Variants in BTC observed in about 807,000 individuals in gnomAD.
BTC encodes probetacellulin.
A neutral mutation model predicts 18.1 loss-of-function variants in BTC; 13 were observed. That is an observed-to-expected ratio of 0.72 (90% CI 0.47 to 1.14). The LOEUF (loss-of-function observed/expected upper bound fraction) is 1.14. Among genes scored for constraint, BTC ranks in the 50% most tolerant of loss-of-function variants. The pLI, the probability that BTC is intolerant of heterozygous loss-of-function variation, is 0.00. For missense variants in BTC, 247 were observed against 224.2 expected (o/e 1.10, Z -0.65); for synonymous variants, 83 against 79.4 (o/e 1.05, Z -0.24).
At chr4:74,785,254 G>A (rs992222096) in intron 1 of BTC, among the ~76,000 whole-genome samples, 3 of 152,120 alleles carry the variant, frequency 2.0e-5, no homozygotes, top group Non-Finnish European at 1.5e-5. Context: ...TTGTATTTCT[G>A]TGGGTCAGTG....
intron 3 of BTC, among the ~76,000 whole-genome samples, chr4:74,751,487 C>T (rs150341523): frequency 6.2e-4 from 95 of 152,268 alleles, no homozygotes; most frequent in Middle Eastern, 6.8e-3. Flanking sequence ...AAATGCCCTC[C>T]CTTTTTTCCA....
intron 4 of BTC, among the ~76,000 whole-genome samples, chr4:74,748,487 G>T (rs1279826191): frequency 6.6e-6 from 1 of 151,882 alleles, no homozygotes; most frequent in Non-Finnish European, 1.5e-5. Context: ...AGTGAGCCGA[G>T]ATTGCGCCAC....
chr4:74,769,260 G>A (rs1245327264), intron 2 of BTC, among the ~76,000 whole-genome samples: 1 of 152,036 alleles, frequency 6.6e-6, no homozygotes, highest in Non-Finnish European at 1.5e-5. Context: ...AATAACCCCT[G>A]TAGAAGACCA....
intron 3 of BTC, among the ~76,000 whole-genome samples, chr4:74,753,561 CTT>C (rs1553956423): frequency 1.3e-5 from 2 of 152,196 alleles, no homozygotes; most frequent in African/African-American, 4.8e-5. Flanking sequence ...TTGAAACACA[CTT>C]TGGTTTTTTA....
chr4:74,764,743 T>C (rs1166867484), intron 2 of BTC, among the ~76,000 whole-genome samples: 1 of 152,102 alleles, frequency 6.6e-6, no homozygotes, highest in Admixed American at 6.6e-5. Flanking sequence ...AACCAAATAG[T>C]GTATGTTCTC....
chr4:74,792,302 G>T (rs1206340416), intron 1 of BTC, among the ~76,000 whole-genome samples: 2 of 152,136 alleles, frequency 1.3e-5, no homozygotes, highest in African/African-American at 2.4e-5. Flanking sequence ...TTTGCTTTTT[G>T]ATTTTCATTT....
chr4:74,772,279 T>C (rs1458982500), intron 1 of BTC, among the ~76,000 whole-genome samples: 1 of 152,226 alleles, frequency 6.6e-6, no homozygotes, highest in Non-Finnish European at 1.5e-5. Context: ...TGTATTTCTC[T>C]TGTGAATTGC....
intron 2 of BTC, among the ~76,000 whole-genome samples, chr4:74,756,759 A>G (rs1553956745): frequency 1.3e-5 from 2 of 152,210 alleles, no homozygotes; most frequent in East Asian, 1.9e-4. Flanking sequence ...GAGGAGGAAA[A>G]TACTGAAAAC....
intron 1 of BTC, among the ~76,000 whole-genome samples, chr4:74,774,228 G>A: frequency 6.6e-6 from 1 of 152,158 alleles, no homozygotes. Context: ...CCAGTAATTA[G>A]CCCACATACA....
intron 1 of BTC, among the ~76,000 whole-genome samples, chr4:74,780,262 G>C (rs992808750): frequency 1.1e-4 from 17 of 152,294 alleles, no homozygotes; most frequent in African/African-American, 3.1e-4. Flanking sequence ...CATCCTGAAA[G>C]ACAGATTCCC....
In BTC at chr4:74,749,483, A is replaced by AAATAAATAAAT. The variant is rs1553955858; in HGVS notation, c.428+1089_428+1090insATTTATTTATT. On this transcript the variant is annotated intron_variant, in intron 4 of 5. Transcript: ENST00000395743. ...GGGCAACAGAGCAAGACTCTGTCTC[A>AAATAAATAAAT]AAATAAATAAATAAATAAATAAATA... Among the ~76,000 whole-genome samples, 1,393 of 143,734 alleles carry AAATAAATAAAT rather than the reference A, an allele frequency of 9.7e-3. 19 individuals carry two copies. The highest frequency in any genetic ancestry group is 0.016 in the South Asian group (71 of 4,456). The allele number at this position is 143,734 out of a possible 152,430, so 94.3% of individuals were successfully genotyped here.
intron 1 of BTC, among the ~76,000 whole-genome samples, chr4:74,790,401 G>A (rs1349783614): frequency 2.6e-5 from 4 of 152,170 alleles, no homozygotes; most frequent in African/African-American, 9.7e-5. Context: ...GGCCAAGGAG[G>A]TTTAAGAGAC....
At chr4:74,772,964 C>T (rs1428638483) in intron 1 of BTC, among the ~76,000 whole-genome samples, 3 of 152,190 alleles carry the variant, frequency 2.0e-5, no homozygotes, top group African/African-American at 4.8e-5. Flanking sequence ...GTTTCACATG[C>T]TGGTGTCAGT....
intron 2 of BTC, among the ~76,000 whole-genome samples, chr4:74,756,354 G>C (rs1251116748): frequency 6.6e-6 from 1 of 152,158 alleles, no homozygotes; most frequent in Non-Finnish European, 1.5e-5. Context: ...GTTTGGTTTT[G>C]GTTGTTTAAC....
intron 4 of BTC, 121 bp from the exon 5 acceptor site, chr4:74,748,270 C>T (rs561974623): frequency 2.6e-5 from 15 of 571,458 alleles, no homozygotes; most frequent in African/African-American, 2.2e-4. Flanking sequence ...GGTTCTAGGC[C>T]GGGCGCAGTG....
intron 2 of BTC, among the ~76,000 whole-genome samples, chr4:74,769,118 G>C (rs932087054): frequency 2.0e-5 from 3 of 152,126 alleles, no homozygotes; most frequent in Non-Finnish European, 4.4e-5. Context: ...AGGGTGCTAG[G>C]AAAGGAGCAG....
chr4:74,784,784 C>T (rs761955472), intron 1 of BTC, among the ~76,000 whole-genome samples: 5 of 152,126 alleles, frequency 3.3e-5, no homozygotes, highest in Non-Finnish European at 7.4e-5. Flanking sequence ...CCAACTTGGT[C>T]GTGGTGGATA....
At position 74,794,280 on chromosome 4, in the gene BTC, G is replaced by C; in HGVS notation, c.46C>G (p.Leu16Val). 1 of 1,549,904 alleles carries C rather than the reference G, an allele frequency of 6.5e-7. No homozygotes were observed. Among genetic ancestry groups the C allele is most frequent in the Non-Finnish European group, 8.7e-7 (1 of 1,146,706 alleles). The change falls in exon 1 of 6, where the codon CTC becomes GTC. Residue 16 changes from leucine to valine, a missense_variant. Transcript: ENST00000395743. ...RCSGASSLPL[L>V]LALALGLVIL... is the part of the protein sequence containing the mutation. The stretch of plus-strand genomic sequence containing the variant: ...CACTTACCCAGGGCAAGGGCCAGGA[G>C]CAGTGGCAGGGAGCTGGCGCCGCTG...
intron 3 of BTC, among the ~76,000 whole-genome samples, chr4:74,754,235 A>G (rs1453122215): frequency 1.3e-5 from 2 of 152,174 alleles, no homozygotes; most frequent in Admixed American, 6.5e-5. Flanking sequence ...ATAGCATTAG[A>G]TGGACTGTAA....
Sources: allele counts gnomAD v4.1 joint callset (sites outside exome capture counted in the v4.1 genomes callset), GRCh38; gene constraint gnomAD v4.1.1; transcripts MANE v1.5; gene names NCBI Gene and HGNC (gene_info 2026-07-23, HGNC 2026-07-21).